The following ESRRB variants were observed in gnomAD, a reference collection of about 807,000 sequenced individuals.
ESRRB encodes the protein steroid hormone receptor ERR2.
ESRRB carries 16 observed loss-of-function variants against 46.0 expected under a neutral mutation model. The ratio of observed to expected loss-of-function variants is 0.35; its 90% CI spans 0.24 to 0.53. The LOEUF is 0.53. Ranked by LOEUF, ESRRB falls within the 20% of genes least tolerant of loss-of-function variation. ESRRB has a pLI of 0.93. For missense variants in ESRRB, 488 were observed against 607.4 expected (o/e 0.80, Z 2.07); for synonymous variants, 246 against 259.6 (o/e 0.95, Z 0.50).
At position 76,439,881 on chromosome 14, in the gene ESRRB, G is replaced by C. The variant is rs975224218; in HGVS notation, c.460+131G>C. 4.9e-6 allele frequency: 5 copies of C among 1,016,116 alleles called. No homozygotes were observed. The Admixed American group carries it at 1.3e-4, about 26-fold the overall frequency. 62.9% of individuals were successfully genotyped at this position (1,016,116 alleles called of 1,614,324 possible). A position where few individuals can be genotyped will look rare whatever the true frequency, so the allele number is the denominator to read the frequency against. On this transcript the variant is annotated intron_variant, in intron 2 of 6. Coordinates refer to ENST00000644823, the MANE Select transcript of ESRRB (RefSeq NM_001379180.1). ...CGCTGTTGGAGCGGTACTTCTGTGG[G>C]GCGCCTTTTCCCTTGCTCAGGGCTT...
At chr14:76,380,085 C>T (rs1884948225) in intron 1 of ESRRB, among the ~76,000 whole-genome samples, 1 of 152,146 alleles carries the variant, frequency 6.6e-6, no homozygotes, top group South Asian at 2.1e-4. Context: ...GCCCTTATAA[C>T]TTTGTCCTGC....
chr14:76,408,163 G>T (rs925493506), intron 1 of ESRRB, among the ~76,000 whole-genome samples: 1 of 152,176 alleles, frequency 6.6e-6, no homozygotes, highest in East Asian at 1.9e-4. Context: ...GTCACCTCAG[G>T]CTATCTGGCC....
At chr14:76,359,274 G>A (rs1277001033) in intron 1 of ESRRB, among the ~76,000 whole-genome samples, 1 of 152,218 alleles carries the variant, frequency 6.6e-6, no homozygotes, top group Non-Finnish European at 1.5e-5. Context: ...AGCTGGTATT[G>A]CTGTCGTCAG....
Position 76,500,098 on chromosome 14 carries a change from T to C in ESRRB, c.*1640T>C. On this transcript the variant is annotated 3_prime_UTR_variant, in exon 7 of 7. Coordinates refer to ENST00000644823, the MANE Select transcript of ESRRB (RefSeq NM_001379180.1). ...TTCTGCAGCTTTTCCATAGAAGCCC[T>C]GGTCCCACCTCCTTGGCTCTACCCC... 1 of 1,527,988 alleles carries C rather than the reference T, an allele frequency of 6.5e-7. No individual in the cohort carries two copies. Among genetic ancestry groups the C allele is most frequent in the South Asian group, 1.2e-5 (1 of 82,714 alleles). The allele number at this position is 1,527,988 out of a possible 1,614,324, so 94.7% of individuals were successfully genotyped here.
rs181944422 is a variant in ESRRB, at chr14:76,466,711, G to A, written c.577+4050G>A. The stretch of plus-strand genomic sequence containing the variant: ...CCCTGGTTATTAGGTATTTTTGCCC[G>A]TGTAATTTTTTTTTTTTCTTTTGAG... On this transcript the variant is annotated intron_variant, in intron 3 of 6. Coordinates refer to ENST00000644823, the MANE Select transcript of ESRRB (RefSeq NM_001379180.1). 1.2e-3 allele frequency among the ~76,000 whole-genome samples: 180 copies of A among 151,064 alleles called. 1 individual carries two copies. Among genetic ancestry groups the A allele is most frequent in the African/African-American group, 4.1e-3 (169 of 40,984 alleles).
At chr14:76,342,699 A>C (rs1884205739) in intron 1 of ESRRB, among the ~76,000 whole-genome samples, 1 of 152,254 alleles carries the variant, frequency 6.6e-6, no homozygotes, top group Non-Finnish European at 1.5e-5. Context: ...AGTAAGGTCC[A>C]TGCCACAGGG....
intron 1 of ESRRB, among the ~76,000 whole-genome samples, chr14:76,358,388 A>G (rs1884420280): frequency 9.8e-6 from 1 of 101,530 alleles, no homozygotes; most frequent in African/African-American, 3.7e-5. Flanking sequence ...AGAAAGAAAG[A>G]AAGAAAGAAA....
intron 3 of ESRRB, among the ~76,000 whole-genome samples, chr14:76,479,606 G>A (rs185617526): frequency 6.6e-6 from 1 of 152,092 alleles, no homozygotes; most frequent in East Asian, 1.9e-4. Flanking sequence ...GAGAGCCCAG[G>A]AGCAGGAAAC....
intron 1 of ESRRB, among the ~76,000 whole-genome samples, chr14:76,420,617 GAGAC>G (rs1279128418): frequency 1.4e-5 from 2 of 148,004 alleles, no homozygotes; most frequent in Non-Finnish European, 3.0e-5. Flanking sequence ...GAGAGAGAGA[GAGAC>G]AGAGAGCAAC....
chr14:76,425,996 C>T (rs982300168), intron 1 of ESRRB, among the ~76,000 whole-genome samples: 9 of 152,228 alleles, frequency 5.9e-5, no homozygotes, highest in African/African-American at 1.9e-4. Flanking sequence ...TGCATTGATA[C>T]TATTTGGCTG....
intron 1 of ESRRB, among the ~76,000 whole-genome samples, chr14:76,327,417 T>C (rs897893885): frequency 6.6e-6 from 1 of 152,140 alleles, no homozygotes; most frequent in Non-Finnish European, 1.5e-5. Context: ...GAAAGGATAT[T>C]TGACACTATG....
intron 1 of ESRRB, among the ~76,000 whole-genome samples, chr14:76,430,936 T>G (rs892352632): frequency 6.6e-6 from 1 of 152,222 alleles, no homozygotes; most frequent in African/African-American, 2.4e-5. Flanking sequence ...TCCATTCCTC[T>G]GCCTGCTGCC....
chr14:76,317,310 C>G lies in ESRRB; in HGVS notation c.2+6394C>G, dbSNP rs113553423. On this transcript the variant is annotated intron_variant, in intron 1 of 6. Transcript: ENST00000512784. The stretch of plus-strand genomic sequence containing the variant: ...GAGTAAAATTATTGCTGATTAGGCT[C>G]TGTGTGTGTGTGTGTGTGTGTGTGT... Among the ~76,000 whole-genome samples the G allele has an allele frequency of 7.2e-3, 964 of 134,524 alleles. 8 individuals are homozygous for G. Among genetic ancestry groups the G allele is most frequent in the African/African-American group, 0.022 (779 of 35,668 alleles). The allele number at this position is 134,524 out of a possible 152,430, so 88.3% of individuals were successfully genotyped here. A position where few individuals can be genotyped will look rare whatever the true frequency, so the allele number is the denominator to read the frequency against.
At chr14:76,337,843 C>T (rs1884145808) in intron 1 of ESRRB, among the ~76,000 whole-genome samples, 1 of 152,216 alleles carries the variant, frequency 6.6e-6, no homozygotes, top group African/African-American at 2.4e-5. Flanking sequence ...AGGTAGGAGT[C>T]CCTGACACGG....
chr14:76,350,602 A>T (rs972908029), intron 1 of ESRRB, among the ~76,000 whole-genome samples: 1 of 152,208 alleles, frequency 6.6e-6, no homozygotes, highest in Non-Finnish European at 1.5e-5. Flanking sequence ...GTTTATTTTC[A>T]AACCAGAATA....
chr14:76,434,667 A>AAAAT (rs1464621206), intron 1 of ESRRB, among the ~76,000 whole-genome samples: 3 of 151,806 alleles, frequency 2.0e-5, no homozygotes, highest in African/African-American at 7.3e-5. Context: ...CTCAAAAAAA[A>AAAAT]AAAAGAAAAG....
Position 76,324,517 on chromosome 14 carries a change from G to C in ESRRB, c.2+13601G>C, listed in dbSNP as rs571864832. On this transcript the variant is annotated intron_variant, in intron 1 of 6. Transcript: ENST00000512784. ...TGTCCTCATCCCCTCCCTCTCTGTG[G>C]GGGTCCCTCGAGAATGTGACCATGA... 9.9e-5 allele frequency among the ~76,000 whole-genome samples: 15 copies of C among 152,266 alleles called. 1 individual carries two copies. The highest frequency in any genetic ancestry group is 1.9e-4 in the Non-Finnish European group (13 of 68,008).
At chr14:76,334,999 T>G (rs150802041) in intron 1 of ESRRB, among the ~76,000 whole-genome samples, 1 of 152,154 alleles carries the variant, frequency 6.6e-6, no homozygotes, top group Admixed American at 6.5e-5. Context: ...GTGGGTGTAT[T>G]CCTGAACCAG....
At position 76,482,467 on chromosome 14, in the gene ESRRB, G is replaced by A. The variant is rs192224473; in HGVS notation, c.689-131G>A. On this transcript the variant is annotated intron_variant, in intron 4 of 6. Coordinates refer to ENST00000644823, the MANE Select transcript of ESRRB (RefSeq NM_001379180.1). The surrounding 1 kb of genome is among the most constrained non-coding windows in gnomAD (Gnocchi z 4.3). Reference sequence around the variant, plus strand: ...AACTTCATGGAGCCAGAACAGGAGGGGAGATTATAGCCGCTTTGACCTTCC... The same window carrying A: ...AACTTCATGGAGCCAGAACAGGAGGAGAGATTATAGCCGCTTTGACCTTCC... 4.9e-4 allele frequency: 414 copies of A among 848,394 alleles called. 2 individuals are homozygous for A. The African/African-American group carries it at 6.1e-3, about 12-fold the overall frequency. 52.6% of individuals were successfully genotyped at this position (848,394 alleles called of 1,614,324 possible).
Sources: gnomAD v4.1 joint callset for allele counts (sites outside exome capture counted in the v4.1 genomes callset) on GRCh38, gnomAD v4.1.1 for gene constraint, Gnocchi (gnomAD v3.1) non-coding constraint, MANE v1.5 for transcripts, NCBI Gene and HGNC (gene_info 2026-07-23, HGNC 2026-07-21) for gene names.